The following METTL8 variants were observed in gnomAD, a reference collection of about 807,000 sequenced individuals.
METTL8 encodes the protein methyltransferase 8, tRNA N3-cytidine, also known as tRNA N(3)-cytidine methyltransferase METTL8, mitochondrial.
In METTL8, 32 loss-of-function variants were observed where a neutral mutation model predicts 48.7. That is an observed-to-expected ratio of 0.66 (90% CI 0.50 to 0.88). METTL8 has a LOEUF of 0.88. METTL8 is among the 40% of genes least tolerant of loss of function. The pLI is 0.00. For synonymous variants in METTL8, 136 were observed against 157.1 expected (o/e 0.87, Z 1.01); for missense variants, 464 against 474.4 (o/e 0.98, Z 0.20).
intron 1 of METTL8, among the ~76,000 whole-genome samples, chr2:171,407,621 T>C (rs1051839653): frequency 6.6e-6 from 1 of 152,234 alleles, no homozygotes; most frequent in Non-Finnish European, 1.5e-5. Flanking sequence ...AAAGTCATTA[T>C]AATAGATCTC....
intron 1 of METTL8, among the ~76,000 whole-genome samples, chr2:171,417,586 T>C (rs938149325): frequency 1.3e-5 from 2 of 152,190 alleles, no homozygotes; most frequent in Non-Finnish European, 2.9e-5. Flanking sequence ...GTTACACAGA[T>C]ACTAAGCAGT....
Position 171,352,942 on chromosome 2 carries a change from G to T in METTL8, c.235+7480C>A, listed in dbSNP as rs572893331. ...CAGCTCCTGGATTCATTGATTTTTTGAAGGGTTTTTTGTGTCTCTATCTCC... is the reference window on the plus strand; with the variant it reads ...CAGCTCCTGGATTCATTGATTTTTTTAAGGGTTTTTTGTGTCTCTATCTCC... On this transcript the variant is annotated intron_variant, in intron 3 of 9. Coordinates refer to ENST00000375258, the MANE Select transcript of METTL8 (RefSeq NM_001321154.2). 2.0e-3 allele frequency among the ~76,000 whole-genome samples: 301 copies of T among 152,126 alleles called. 2 individuals carry two copies. The highest frequency in any genetic ancestry group is 6.7e-3 in the African/African-American group (279 of 41,502).
intron 1 of METTL8, among the ~76,000 whole-genome samples, chr2:171,430,925 C>G (rs1692946863): frequency 6.6e-6 from 1 of 152,124 alleles, no homozygotes; most frequent in Non-Finnish European, 1.5e-5. Context: ...TTGAGTGGTG[C>G]CTTTGTTTTA....
At position 171,324,955 on chromosome 2, in the gene METTL8, T is replaced by A. The variant is rs533928557; in HGVS notation, c.1034-593A>T. On this transcript the variant is annotated intron_variant, in intron 9 of 9. Transcript: ENST00000375258. Reference sequence around the variant, plus strand: ...CCCTTCTCTAATAAAAATACAAAAATTACCTAGGCGTGGAGGTAGGTAATC... The same window carrying A: ...CCCTTCTCTAATAAAAATACAAAAAATACCTAGGCGTGGAGGTAGGTAATC... 2.3e-4 allele frequency among the ~76,000 whole-genome samples: 35 copies of A among 151,790 alleles called. 1 individual carries two copies. The South Asian group carries it at 6.3e-3, about 27-fold the overall frequency.
intron 1 of METTL8, 67 bp from the exon 2 acceptor site, chr2:171,392,264 A>G (rs375936482): frequency 8.2e-6 from 11 of 1,333,360 alleles, no homozygotes; most frequent in Middle Eastern, 2.4e-4. Flanking sequence ...CTAATACCCA[A>G]AACCTGGTTC....
intron 3 of METTL8, among the ~76,000 whole-genome samples, chr2:171,347,944 A>G (rs1683453931): frequency 6.6e-6 from 1 of 152,180 alleles, no homozygotes; most frequent in African/African-American, 2.4e-5. Flanking sequence ...TCTCCAGGAT[A>G]CAATAAGGAG....
chr2:171,376,335 G>C (rs897821405), intron 2 of METTL8, among the ~76,000 whole-genome samples: 2 of 152,016 alleles, frequency 1.3e-5, no homozygotes, highest in Non-Finnish European at 2.9e-5. Flanking sequence ...TTCCTATCCT[G>C]AGTTCCTTTG....
At position 171,330,669 on chromosome 2, in the gene METTL8, A is replaced by T; in HGVS notation, c.750T>A (p.Cys250Ter). 2.5e-6 allele frequency: 4 copies of T among 1,613,708 alleles called. No individual in the cohort carries two copies. The highest frequency in any genetic ancestry group is 3.4e-6 in the Non-Finnish European group (4 of 1,179,878). The change falls in exon 7 of 10, where the codon TGT (cysteine) becomes TGA (stop). Residue 250 changes from cysteine to a stop codon, truncating the protein, a stop_gained. Transcript: ENST00000375258. LOFTEE classifies it high-confidence loss of function. ...KSHSSYRATQ[C>*]FAFVHDVCDD... ...CACATACATCATGAACAAAGGCAAA[A>T]CACTGGGTTGCTCTGTAGGACGAGT...
intron 3 of METTL8, among the ~76,000 whole-genome samples, chr2:171,347,655 C>A (rs1683417067): frequency 6.6e-6 from 1 of 152,218 alleles, no homozygotes; most frequent in Admixed American, 6.5e-5. Flanking sequence ...CTGTCTGTCA[C>A]ATCCAGGTGG....
rs1054751983 is a variant in METTL8, at chr2:171,318,961, A to C, written c.*5211T>G. The C allele has an allele frequency of 6.6e-6, 1 of 152,094 alleles. No homozygotes were observed. Among genetic ancestry groups the C allele is most frequent in the African/African-American group, 2.4e-5 (1 of 41,416 alleles). 9.4% of individuals were successfully genotyped at this position (152,094 alleles called of 1,614,324 possible). Reference sequence around the variant, plus strand: ...TCTTCTGTAAATGGTTATCATCAAAATGAATTCCTAGGAGTTTGAGGATTA... The same window carrying C: ...TCTTCTGTAAATGGTTATCATCAAACTGAATTCCTAGGAGTTTGAGGATTA... On this transcript the variant is annotated 3_prime_UTR_variant, in exon 10 of 10. Transcript: ENST00000375258.
At chr2:171,378,449 T>C (rs901260915) in intron 2 of METTL8, among the ~76,000 whole-genome samples, 12 of 152,020 alleles carry the variant, frequency 7.9e-5, no homozygotes, top group East Asian at 1.9e-4. Context: ...CTGGCCAACA[T>C]AGTGAAACCC....
At chr2:171,430,900 CT>C (rs1284958881) in intron 1 of METTL8, among the ~76,000 whole-genome samples, 1 of 152,156 alleles carries the variant, frequency 6.6e-6, no homozygotes, top group Non-Finnish European at 1.5e-5. Flanking sequence ...TTTTTTCACA[CT>C]GTTGTGCCCA....
chr2:171,414,233 C>T (rs187035176), intron 1 of METTL8, among the ~76,000 whole-genome samples: 3 of 152,022 alleles, frequency 2.0e-5, no homozygotes, highest in Non-Finnish European at 4.4e-5. Context: ...GCCTGACCAA[C>T]GTGGAGAAAC....
At chr2:171,391,899 G>T in intron 2 of METTL8, 144 bp downstream of exon 2, 1 of 735,922 alleles carries the variant, frequency 1.4e-6, no homozygotes, top group Non-Finnish European at 2.1e-6. Flanking sequence ...ACTTAAGTCA[G>T]GATCGGTTAC....
Position 171,348,626 on chromosome 2 carries a change from C to G in METTL8, c.236-9072G>C, listed in dbSNP as rs551678546. On this transcript the variant is annotated intron_variant, in intron 3 of 9. Transcript: ENST00000375258. ...CCACTATTTGTGGGATTAGTGGGGT[C>G]AGGGATCAGGGGGAGTACTGTAATT... is the stretch of plus-strand genomic sequence containing the variant. Among the ~76,000 whole-genome samples the G allele has an allele frequency of 2.0e-3, 309 of 152,004 alleles. 2 individuals carry two copies. The highest frequency in any genetic ancestry group is 7.3e-3 in the African/African-American group (303 of 41,452).
intron 1 of METTL8, among the ~76,000 whole-genome samples, chr2:171,428,436 G>A (rs1269242604): frequency 2.0e-5 from 3 of 151,790 alleles, no homozygotes; most frequent in African/African-American, 2.4e-5. Flanking sequence ...CGGGATGATC[G>A]CTTGAGCCCA....
chr2:171,349,431 T>C (rs958140098), intron 3 of METTL8, among the ~76,000 whole-genome samples: 6 of 152,216 alleles, frequency 3.9e-5, no homozygotes. Flanking sequence ...CTTTTTGTGG[T>C]GGCTTATTTC....
chr2:171,423,210 G>C (rs1429294255), intron 1 of METTL8, among the ~76,000 whole-genome samples: 1 of 152,178 alleles, frequency 6.6e-6, no homozygotes, highest in Non-Finnish European at 1.5e-5. Context: ...GGAACTGTGA[G>C]ACAATTAAAC....
chr2:171,366,343 A>G (rs1215666397), intron 2 of METTL8, among the ~76,000 whole-genome samples: 1 of 152,192 alleles, frequency 6.6e-6, no homozygotes, highest in East Asian at 1.9e-4. Context: ...AAATAGTCCC[A>G]CCCAAACAAC....
Sources: allele counts gnomAD v4.1 joint callset (sites outside exome capture counted in the v4.1 genomes callset), GRCh38; gene constraint gnomAD v4.1.1; transcripts MANE v1.5; gene names NCBI Gene and HGNC (gene_info 2026-07-23, HGNC 2026-07-21).